SAMMSON: variants seen among roughly 807,000 people sequenced by gnomAD.
The protein encoded by SAMMSON is survival associated mitochondrial melanoma specific oncogenic non-coding RNA.
chr3:70,327,072 G>A (rs2049224), intron 7 of SAMMSON, among the ~76,000 whole-genome samples: 17,041 of 152,078 alleles, frequency 0.11, 1,063 homozygotes, highest in South Asian at 0.16. Context: ...TGACCAGGCT[G>A]GTCTCGAACT....
intron 3 of SAMMSON, among the ~76,000 whole-genome samples, chr3:70,027,105 A>G (rs1024610774): frequency 6.6e-6 from 1 of 152,150 alleles, no homozygotes; most frequent in Non-Finnish European, 1.5e-5. Flanking sequence ...ACGTTGAGGC[A>G]TTTTCATTTG....
intron 1 of SAMMSON, among the ~76,000 whole-genome samples, chr3:70,012,115 A>G (rs1370215924): frequency 6.6e-6 from 1 of 152,082 alleles, no homozygotes; most frequent in Non-Finnish European, 1.5e-5. Flanking sequence ...GAGGAAAGAG[A>G]TGTGACTCCA....
At chr3:70,059,582 G>C (rs1172297270) in intron 3 of SAMMSON, among the ~76,000 whole-genome samples, 1 of 152,110 alleles carries the variant, frequency 6.6e-6, no homozygotes, top group African/African-American at 2.4e-5. Context: ...GGCTTGAAAA[G>C]AGAGAGCAAA....
intron 6 of SAMMSON, among the ~76,000 whole-genome samples, chr3:70,282,385 T>A (rs1400952837): frequency 6.6e-6 from 1 of 152,144 alleles, no homozygotes; most frequent in Non-Finnish European, 1.5e-5. Context: ...CCACTTAAAC[T>A]TTGTAAATCC....
chr3:70,170,579 CTTTTTTT>C (rs538385626), intron 4 of SAMMSON, among the ~76,000 whole-genome samples: 79 of 105,484 alleles, frequency 7.5e-4, no homozygotes, highest in Non-Finnish European at 1.1e-3. Context: ...CTAGATTTTC[CTTTTTTT>C]TTTTTTTTTT....
chr3:70,087,703 T>A (rs929781652), intron 4 of SAMMSON, among the ~76,000 whole-genome samples: 1 of 152,134 alleles, frequency 6.6e-6, no homozygotes, highest in African/African-American at 2.4e-5. Context: ...TTATTTATCA[T>A]CAAAACTGCA....
intron 4 of SAMMSON, among the ~76,000 whole-genome samples, chr3:70,110,425 G>A (rs141079244): frequency 6.6e-6 from 1 of 152,240 alleles, no homozygotes; most frequent in African/African-American, 2.4e-5. Flanking sequence ...AAGTGAAGAG[G>A]GGTGATTTAC....
At chr3:70,173,478 A>G (rs1341930198) in intron 4 of SAMMSON, among the ~76,000 whole-genome samples, 1 of 151,982 alleles carries the variant, frequency 6.6e-6, no homozygotes. Flanking sequence ...TAACTAAAAA[A>G]GCAAATATAT....
intron 1 of SAMMSON, among the ~76,000 whole-genome samples, chr3:70,010,762 T>C (rs1327591475): frequency 6.6e-6 from 1 of 152,106 alleles, no homozygotes; most frequent in Non-Finnish European, 1.5e-5. Flanking sequence ...CAGTTCCGCA[T>C]TGTCGGGGAG....
Position 70,013,464 on chromosome 3 carries a change from A to G in SAMMSON, n.265-56A>G, listed in dbSNP as rs2066967425. 2.0e-5 allele frequency: 3 copies of G among 152,148 alleles called. No individual in the cohort carries two copies. In the South Asian group the frequency reaches 6.2e-4, roughly 32 times the overall value. The allele number at this position is 152,148 out of a possible 1,614,324, so 9.4% of individuals were successfully genotyped here. On this transcript the variant is annotated intron_variant and non_coding_transcript_variant, in intron 2 of 9. Transcript: ENST00000642114. ...AGGAGGCCAGTACATGAGCCTCCCTAGGATGTAATTCTTCTTCATCTTCTT... is the reference window on the plus strand; with the variant it reads ...AGGAGGCCAGTACATGAGCCTCCCTGGGATGTAATTCTTCTTCATCTTCTT...
intron 7 of SAMMSON, chr3:70,291,991 A>G (rs910986114): frequency 3.3e-5 from 5 of 152,206 alleles, no homozygotes; most frequent in Non-Finnish European, 7.3e-5. Flanking sequence ...CATTTCTATC[A>G]TATACAAGAC....
chr3:70,258,607 A>G (rs1368462331), intron 6 of SAMMSON, among the ~76,000 whole-genome samples: 3 of 152,168 alleles, frequency 2.0e-5, no homozygotes, highest in Non-Finnish European at 4.4e-5. Flanking sequence ...ACAATCTTTT[A>G]AAATATTCAT....
intron 4 of SAMMSON, among the ~76,000 whole-genome samples, chr3:70,133,807 C>G (rs2067493877): frequency 6.6e-6 from 1 of 152,056 alleles, no homozygotes; most frequent in Admixed American, 6.5e-5. Context: ...TTTCCTTACT[C>G]AGTCATAAAT....
chr3:70,292,294 T>C (rs941298862), intron 7 of SAMMSON, among the ~76,000 whole-genome samples: 2 of 152,192 alleles, frequency 1.3e-5, no homozygotes, highest in African/African-American at 2.4e-5. Context: ...TTTGATTGTT[T>C]ATAATATATA....
chr3:70,241,316 G>T (rs1701666025), intron 4 of SAMMSON, among the ~76,000 whole-genome samples: 1 of 152,144 alleles, frequency 6.6e-6, no homozygotes, highest in South Asian at 2.1e-4. Context: ...TGATAAACAT[G>T]ATGAAGAATG....
intron 6 of SAMMSON, among the ~76,000 whole-genome samples, chr3:70,254,117 G>C (rs1473942327): frequency 6.8e-6 from 1 of 147,016 alleles, no homozygotes; most frequent in African/African-American, 2.5e-5. Context: ...AAATTTTTTG[G>C]TAATTGTACA....
chr3:70,352,072 A>G (rs2106735291), intron 7 of SAMMSON, among the ~76,000 whole-genome samples: 1 of 151,696 alleles, frequency 6.6e-6, no homozygotes, highest in South Asian at 2.1e-4. Context: ...GGGCTGAAAA[A>G]GTAGTCAAAG....
intron 6 of SAMMSON, among the ~76,000 whole-genome samples, chr3:70,268,307 T>G (rs532067229): frequency 6.6e-6 from 1 of 151,932 alleles, no homozygotes; most frequent in Non-Finnish European, 1.5e-5. Flanking sequence ...ACCCACCGTC[T>G]GTACTAAAAT....
chr3:70,050,824 G>C (rs560992087), intron 3 of SAMMSON, among the ~76,000 whole-genome samples: 68 of 152,018 alleles, frequency 4.5e-4, no homozygotes, highest in African/African-American at 1.5e-3. Context: ...GCACAGCAGT[G>C]GGTGCTGTTT....
Sources: gnomAD v4.1 joint callset for allele counts (sites outside exome capture counted in the v4.1 genomes callset) on GRCh38, gnomAD v4.1.1 for gene constraint, MANE v1.5 for transcripts, NCBI Gene and HGNC (gene_info 2026-07-23, HGNC 2026-07-21) for gene names.